Variants in WDPCP observed in about 807,000 individuals in gnomAD.
WDPCP encodes WD repeat-containing and planar cell polarity effector protein fritz homolog.
Under a neutral mutation model 93.1 loss-of-function variants are expected in WDPCP, and 71 were observed. That is an observed-to-expected ratio of 0.76 (90% CI 0.63 to 0.93). The LOEUF is 0.93. Among genes scored for constraint, WDPCP ranks in the 40% least tolerant of loss-of-function variants. The probability of loss-of-function intolerance (pLI) is 0.00; values close to 1 mark genes in which losing one functional copy is unlikely to be tolerated. For missense variants in WDPCP, 844 were observed against 887.4 expected (o/e 0.95, Z 0.62); for synonymous variants, 315 against 315.0 (o/e 1.00, Z 0.00).
intron 12 of WDPCP, among the ~76,000 whole-genome samples, chr2:63,377,215 G>A (rs901284376): frequency 1.3e-5 from 2 of 151,684 alleles, no homozygotes; most frequent in Admixed American, 6.6e-5. Flanking sequence ...TTACTCACTT[G>A]TCAAATGATA....
chr2:63,425,414 T>A (rs867081174), intron 9 of WDPCP, among the ~76,000 whole-genome samples: 56 of 152,270 alleles, frequency 3.7e-4, no homozygotes, highest in South Asian at 1.0e-3. Context: ...GAATTCAGAA[T>A]CTGGGTGGCA....
At chr2:63,840,420 G>A in the WDPCP span, among the ~76,000 whole-genome samples, 1 of 152,256 alleles carries the variant, frequency 6.6e-6, no homozygotes, top group Non-Finnish European at 1.5e-5. Context: ...TATCACAGCA[G>A]CTCTACAGGA....
At chr2:63,725,452 G>A (rs772638454) in intron 2 of WDPCP, among the ~76,000 whole-genome samples, 5 of 152,158 alleles carry the variant, frequency 3.3e-5, no homozygotes, top group Non-Finnish European at 5.9e-5. Flanking sequence ...AACACTGATG[G>A]GCATTTAGGT....
intron 12 of WDPCP, among the ~76,000 whole-genome samples, chr2:63,354,488 T>C (rs1057442220): frequency 3.0e-4 from 46 of 152,044 alleles, no homozygotes; most frequent in African/African-American, 1.1e-3. Context: ...AGAGCACTAA[T>C]AGGGAAAATG....
intron 15 of WDPCP, among the ~76,000 whole-genome samples, chr2:63,162,396 T>A (rs1462856136): frequency 6.6e-6 from 1 of 152,220 alleles, no homozygotes; most frequent in Non-Finnish European, 1.5e-5. Context: ...TCTGGACATT[T>A]CTGTAACATC....
chr2:63,751,519 A>C (rs1403363785), intron 2 of WDPCP, among the ~76,000 whole-genome samples: 3 of 152,322 alleles, frequency 2.0e-5, no homozygotes, highest in African/African-American at 7.2e-5. Context: ...TACAGTCCTC[A>C]AGTTTTTTGC....
At chr2:63,711,201 G>A (rs981280532) in intron 2 of WDPCP, among the ~76,000 whole-genome samples, 1 of 152,144 alleles carries the variant, frequency 6.6e-6, no homozygotes, top group Admixed American at 6.5e-5. Context: ...GGGTAGATAT[G>A]AGAACATGAC....
At chr2:63,764,050 A>G (rs1325731723) in intron 2 of WDPCP, among the ~76,000 whole-genome samples, 3 of 152,114 alleles carry the variant, frequency 2.0e-5, no homozygotes, top group African/African-American at 7.2e-5. Context: ...ATTGAGGTAA[A>G]ATTCACATAA....
At chr2:63,394,587 C>T (rs929593385) in intron 10 of WDPCP, among the ~76,000 whole-genome samples, 8 of 152,054 alleles carry the variant, frequency 5.3e-5, no homozygotes, top group African/African-American at 1.4e-4. Context: ...CACATGCACA[C>T]GTATGTTTGT....
At chr2:63,608,820 T>C (rs752631335) in intron 3 of WDPCP, among the ~76,000 whole-genome samples, 14 of 151,416 alleles carry the variant, frequency 9.2e-5, no homozygotes, top group Admixed American at 2.0e-4. Flanking sequence ...TTTTAAAAAA[T>C]TAAAAATTAC....
chr2:63,726,354 T>G (rs1055042883), intron 2 of WDPCP, among the ~76,000 whole-genome samples: 24 of 151,342 alleles, frequency 1.6e-4, no homozygotes, highest in African/African-American at 5.8e-4. Context: ...GATTAGACAG[T>G]TGTAAGTGTG....
chr2:63,634,761 GA>G (rs1709904011), intron 3 of WDPCP, among the ~76,000 whole-genome samples: 1 of 152,042 alleles, frequency 6.6e-6, no homozygotes, highest in Non-Finnish European at 1.5e-5. Flanking sequence ...AAATAAAAAT[GA>G]AAACACAACA....
intron 2 of WDPCP, among the ~76,000 whole-genome samples, chr2:63,762,568 G>T (rs1670071403): frequency 6.6e-6 from 1 of 152,160 alleles, no homozygotes; most frequent in South Asian, 2.1e-4. Flanking sequence ...TAGAGGCTGA[G>T]AAATCCCAGG....
intron 2 of WDPCP, among the ~76,000 whole-genome samples, chr2:63,680,869 A>C (rs1484099069): frequency 6.6e-6 from 1 of 152,144 alleles, no homozygotes. Context: ...ACAGTATAGC[A>C]CACTGGGCAG....
At position 63,770,862 on chromosome 2, in the gene WDPCP, T is replaced by C. The variant is rs529675403; in HGVS notation, n.308+42760A>G. ...GATTAAGCCTGACATTAAAAGAGAT[T>C]TAAAATGTAAAACGATGTCACTCTT... On this transcript the variant is annotated intron_variant and non_coding_transcript_variant, in intron 2 of 4. Coordinates refer to the WDPCP transcript ENST00000467687. Among the ~76,000 whole-genome samples, 17 of 151,944 alleles carry C rather than the reference T, an allele frequency of 1.1e-4. No homozygotes were observed. In the East Asian group the frequency reaches 3.1e-3, roughly 28 times the overall value.
At chr2:63,337,938 T>C (rs1688506554) in intron 12 of WDPCP, among the ~76,000 whole-genome samples, 1 of 152,200 alleles carries the variant, frequency 6.6e-6, no homozygotes, top group Non-Finnish European at 1.5e-5. Flanking sequence ...TTTTCTCCCA[T>C]TCTGTGGACT....
chr2:63,205,186 G>A lies in WDPCP; in HGVS notation c.1916-30354C>T, dbSNP rs1210508415. 9.9e-5 allele frequency among the ~76,000 whole-genome samples: 15 copies of A among 152,204 alleles called. No homozygotes were observed. In the South Asian group the frequency reaches 2.3e-3, roughly 23 times the overall value. ...GGATTTGTTTCTGGTTAGCTATTTT[G>A]TTCCATTGGTCTGCATGTCTATTTT... On this transcript the variant is annotated intron_variant, in intron 14 of 17. Transcript: ENST00000272321.
intron 1 of WDPCP, among the ~76,000 whole-genome samples, chr2:63,563,873 C>T (rs888200765): frequency 6.6e-6 from 1 of 152,180 alleles, no homozygotes; most frequent in African/African-American, 2.4e-5. Context: ...AATTTCTTCA[C>T]TTTATAAACT....
intron 1 of WDPCP, among the ~76,000 whole-genome samples, chr2:63,567,451 A>T (rs1318751655): frequency 2.0e-5 from 3 of 152,102 alleles, no homozygotes; most frequent in Non-Finnish European, 4.4e-5. Context: ...CACACTCTCA[A>T]CTTAACTTCA....
Sources: gnomAD v4.1 joint callset for allele counts (sites outside exome capture counted in the v4.1 genomes callset) on GRCh38, gnomAD v4.1.1 for gene constraint, MANE v1.5 for transcripts, NCBI Gene and HGNC (gene_info 2026-07-23, HGNC 2026-07-21) for gene names.